The following PNLIPRP1 variants were observed in gnomAD, a reference collection of about 807,000 sequenced individuals.
PNLIPRP1 encodes the protein inactive pancreatic lipase-related protein 1.
In PNLIPRP1, 57 loss-of-function variants were observed where a neutral mutation model predicts 54.6. The ratio of observed to expected loss-of-function variants is 1.04; its 90% CI spans 0.84 to 1.30. PNLIPRP1 has a LOEUF of 1.30. PNLIPRP1 is among the 50% of genes most tolerant of loss of function. The pLI, the probability that PNLIPRP1 is intolerant of heterozygous loss-of-function variation, is 0.00. For missense variants in PNLIPRP1, 567 were observed against 568.5 expected, an observed-to-expected ratio of 1.00 and a Z score of 0.03; for synonymous variants, 232 against 208.8, an observed-to-expected ratio of 1.11 and a Z score of -0.96.
intron 12 of PNLIPRP1, among the ~76,000 whole-genome samples, chr10:116,607,730 A>G (rs962338353): frequency 2.6e-5 from 4 of 152,332 alleles, no homozygotes; most frequent in Middle Eastern, 3.4e-3. Context: ...GAGGCCTGAG[A>G]GAAGTCCGTG....
At chr10:116,592,214 A>G (rs1279376733) in intron 3 of PNLIPRP1, 3 of 666,144 alleles carry the variant, frequency 4.5e-6, no homozygotes, top group Non-Finnish European at 7.5e-6. Flanking sequence ...ACCTCAAACC[A>G]CAATCCAGGC....
Position 116,604,095 on chromosome 10 carries a change from T to C in PNLIPRP1, c.1129T>C (p.Leu377=), listed in dbSNP as rs1554865212. Residue 377 remains leucine (L), a synonymous_variant, in exon 11 of 13, where the codon TTG becomes CTG. Transcript: ENST00000358834. The stretch of plus-strand genomic sequence containing the variant: ...AGCCACTGGTCAGATCAAAGTTGCT[T>C]TGTTTGGAAATAAGGGAAACACTCA... ...RTATGQIKVA[L]FGNKGNTHQY... The C allele has an allele frequency of 2.5e-6, 4 of 1,613,468 alleles. No individual in the cohort carries two copies. In the East Asian group the frequency reaches 6.7e-5, roughly 27 times the overall value.
chr10:116,606,223 G>A (rs1265607169), intron 12 of PNLIPRP1, among the ~76,000 whole-genome samples: 9 of 152,178 alleles, frequency 5.9e-5, no homozygotes, highest in Non-Finnish European at 1.3e-4. Flanking sequence ...GTTAGGTGGA[G>A]TCACCGAGTT....
chr10:116,599,559 G>A (rs996893485), intron 8 of PNLIPRP1, among the ~76,000 whole-genome samples: 8 of 152,108 alleles, frequency 5.3e-5, no homozygotes, highest in Admixed American at 1.3e-4. Flanking sequence ...TATAACTGCC[G>A]CATGGAAATG....
chr10:116,594,498 A>G (rs1554863675), intron 4 of PNLIPRP1: 1 of 590,898 alleles, frequency 1.7e-6, no homozygotes, highest in East Asian at 3.0e-5. Context: ...AGGAAACCAG[A>G]GAGTAGCCAG....
At chr10:116,592,051 C>T in intron 3 of PNLIPRP1, 126 bp downstream of exon 3, 7 of 1,007,396 alleles carry the variant, frequency 6.9e-6, no homozygotes, top group Non-Finnish European at 8.9e-6. Flanking sequence ...TCAAGCTGCC[C>T]CCCAGACCTA....
chr10:116,599,520 T>A (rs1847796327), intron 8 of PNLIPRP1, among the ~76,000 whole-genome samples: 1 of 152,128 alleles, frequency 6.6e-6, no homozygotes. Context: ...CAAAACCACC[T>A]AAAGTTATCC....
Position 116,592,243 on chromosome 10 carries a change from A to T in PNLIPRP1, c.205-173A>T, listed in dbSNP as rs1445033314. 5 of 710,762 alleles carry T rather than the reference A, an allele frequency of 7.0e-6. No homozygotes were observed. In the East Asian group the frequency reaches 8.0e-5, roughly 11 times the overall value. 44.0% of individuals were successfully genotyped at this position (710,762 alleles called of 1,614,324 possible). ...TCCAGGCCTAGTGGAAGCAGTGATT[A>T]CTCACCTGGAGAGATGGGGCAAGAA... On this transcript the variant is annotated intron_variant, in intron 3 of 12. Transcript: ENST00000358834.
At chr10:116,591,702 G>C in intron 2 of PNLIPRP1, 69 bp from the exon 3 acceptor site, 2 of 1,519,142 alleles carry the variant, frequency 1.3e-6, no homozygotes, top group Non-Finnish European at 9.0e-7. Flanking sequence ...GACCAGGCCC[G>C]AACAGCAGTG....
intron 8 of PNLIPRP1, among the ~76,000 whole-genome samples, chr10:116,599,303 T>TAAAATAAAATAAAATAAAATAGAAAAG (rs1847792080): frequency 1.2e-5 from 1 of 85,548 alleles, no homozygotes; most frequent in Non-Finnish European, 2.8e-5. Context: ...AAATAAAAAA[T>TAAAATAAAATAAAATAAAATAGAAAAG]AAAGAATGAG....
At chr10:116,599,256 G>GAAAATAAAATAAAAT (rs10640431) in intron 8 of PNLIPRP1, among the ~76,000 whole-genome samples, 3,453 of 133,890 alleles carry the variant, frequency 0.026, 85 homozygotes, top group East Asian at 0.07. Flanking sequence ...ACTCCATCTC[G>GAAAATAAAATAAAAT]AAAATAAAAT....
At chr10:116,591,635 G>A (rs1473228312) in intron 2 of PNLIPRP1, 136 bp from the exon 3 acceptor site, 4 of 837,488 alleles carry the variant, frequency 4.8e-6, no homozygotes, top group Admixed American at 2.2e-5. Context: ...AGAAGAGAGT[G>A]GGAGGGGTTG....
At chr10:116,605,017 TA>T (rs1397557414) in intron 11 of PNLIPRP1, among the ~76,000 whole-genome samples, 1 of 152,192 alleles carries the variant, frequency 6.6e-6, no homozygotes, top group Non-Finnish European at 1.5e-5. Flanking sequence ...GATGTTTTTT[TA>T]AACATAAATC....
chr10:116,603,447 A>G (rs1847883756), intron 10 of PNLIPRP1, among the ~76,000 whole-genome samples: 1 of 152,200 alleles, frequency 6.6e-6, no homozygotes, highest in Non-Finnish European at 1.5e-5. Context: ...TGAGAAACTA[A>G]ATTTTTAATT....
At chr10:116,591,959 T>G in intron 3 of PNLIPRP1, 34 bp downstream of exon 3, 1 of 1,611,856 alleles carries the variant, frequency 6.2e-7, no homozygotes, top group South Asian at 1.1e-5. Flanking sequence ...TCACTGTAAC[T>G]GGCACGGGGC....
At chr10:116,604,500 G>A (rs562431490) in intron 11 of PNLIPRP1, among the ~76,000 whole-genome samples, 7 of 152,216 alleles carry the variant, frequency 4.6e-5, no homozygotes, top group Non-Finnish European at 8.8e-5. Flanking sequence ...CTACGTTTGT[G>A]TGAGTACATG....
Position 116,608,968 on chromosome 10 carries a change from AAACC to A in PNLIPRP1, c.1341-82_1341-79del. ...TTAACCCCTTAAGAAAAACCAAACC[AAACC>A]AAACCAAACCAAAACAAAACAAAAC... is the stretch of plus-strand genomic sequence containing the variant. On this transcript the variant is annotated intron_variant, in intron 12 of 12. Transcript: ENST00000358834. 4 of 1,108,530 alleles carry A rather than the reference AAACC, an allele frequency of 3.6e-6. No individual in the cohort carries two copies. The Admixed American group carries it at 6.8e-5, about 19-fold the overall frequency. The allele number at this position is 1,108,530 out of a possible 1,614,324, so 68.7% of individuals were successfully genotyped here. A position where few individuals can be genotyped will look rare whatever the true frequency, so the allele number is the denominator to read the frequency against.
In PNLIPRP1 at chr10:116,605,419, T is replaced by G; in HGVS notation, c.1206T>G (p.Tyr402Ter). The change falls in exon 12 of 13, where the codon TAT (tyrosine) becomes TAG (stop). Residue 402 changes from tyrosine (Y) to a stop codon, truncating the protein, a stop_gained. Coordinates refer to ENST00000358834, the MANE Select transcript of PNLIPRP1 (RefSeq NM_006229.4). LOFTEE classifies it high-confidence loss of function. ...TCAAACCAGGCTCAACCCATTCCTA[T>G]GAGTTTGATGCAAAGCTGGATGTTG... ...GILKPGSTHS[Y>*]EFDAKLDVGT... 7 of 1,609,816 alleles carry G rather than the reference T, an allele frequency of 4.3e-6. No homozygotes were observed. The highest frequency in any genetic ancestry group is 1.3e-5 in the African/African-American group (1 of 74,934).
rs562035084 is a variant in PNLIPRP1 at position 116,607,209 on chromosome 10, C to A, written c.1340+1656C>A. 3.3e-5 allele frequency among the ~76,000 whole-genome samples: 5 copies of A among 151,720 alleles called. No individual in the cohort carries two copies. In the South Asian group the frequency reaches 8.4e-4, roughly 25 times the overall value. On this transcript the variant is annotated intron_variant, in intron 12 of 12. Coordinates refer to ENST00000358834, the MANE Select transcript of PNLIPRP1 (RefSeq NM_006229.4). ...CAAAGAGAAAGGCAGCCCTCCCCCT[C>A]TTTATTTCTCCGTCCCCCTCTCTTT...
Sources: gnomAD v4.1 joint callset for allele counts (sites outside exome capture counted in the v4.1 genomes callset) on GRCh38, gnomAD v4.1.1 for gene constraint, MANE v1.5 for transcripts, NCBI Gene and HGNC (gene_info 2026-07-23, HGNC 2026-07-21) for gene names.